The following ELP2 variants were observed in gnomAD, a reference collection of about 807,000 sequenced individuals.
ELP2 encodes the protein elongator acetyltransferase complex subunit 2, also known as elongator complex protein 2.
ELP2 carries 90 observed loss-of-function variants against 119.2 expected under a neutral mutation model. That is an observed-to-expected ratio of 0.75 (90% CI 0.64 to 0.90). The LOEUF (loss-of-function observed/expected upper bound fraction) is 0.90, where lower values mean the gene tolerates loss of function less well. Ranked by LOEUF, ELP2 falls within the 40% of genes least tolerant of loss-of-function variation. The probability of loss-of-function intolerance (pLI) is 0.00; values close to 1 mark genes in which losing one functional copy is unlikely to be tolerated. For synonymous variants in ELP2, 339 were observed against 331.0 expected (o/e 1.02, Z -0.26); for missense variants, 921 against 967.8 (o/e 0.95, Z 0.64).
chr18:36,158,115 T>G (rs1220269396), intron 13 of ELP2, among the ~76,000 whole-genome samples: 1 of 152,214 alleles, frequency 6.6e-6, no homozygotes, highest in African/African-American at 2.4e-5. Context: ...AGCATACTGT[T>G]TCTTGTGTCC....
Position 36,170,144 on chromosome 18 carries a change from G to A in ELP2, c.2158G>A (p.Gly720Ser), listed in dbSNP as rs551266460. ...IGPCSSVLDV[G>S]GAVTAVSVCP... ...CCCCTGCTCCTCAGTCCTGGACGTG[G>A]GTGGGGCTGTGACAGCTGTCAGCGT... The change falls in exon 20 of 22, where the codon GGT becomes AGT. Residue 720 changes from glycine to serine, a missense_variant. By Grantham distance (56) the Gly-to-Ser change is moderately conservative (BLOSUM62 0). Transcript: ENST00000358232. The A allele has an allele frequency of 6.2e-7, 1 of 1,614,050 alleles. No homozygotes were observed. Among genetic ancestry groups the A allele is most frequent in the Admixed American group, 1.7e-5 (1 of 60,010 alleles).
chr18:36,171,212 C>A (rs1287485956), intron 21 of ELP2, 52 bp downstream of exon 21: 9 of 1,288,856 alleles, frequency 7.0e-6, no homozygotes, highest in Non-Finnish European at 1.0e-5. Flanking sequence ...ATTGTGGGGT[C>A]TTTCATGGCA....
At position 36,166,319 on chromosome 18, in the gene ELP2, G is replaced by GTTTTT. The variant is rs60477950; in HGVS notation, c.1955-758_1955-754dup. Among the ~76,000 whole-genome samples the GTTTTT allele has an allele frequency of 7.0e-4, 50 of 71,626 alleles. 6 individuals are homozygous for GTTTTT. Among genetic ancestry groups the GTTTTT allele is most frequent in the Non-Finnish European group, 9.9e-4 (39 of 39,286 alleles). The allele number at this position is 71,626 out of a possible 152,430, so 47.0% of individuals were successfully genotyped here. ...AGTTATGTGGTTTTTGTTTTTTAGG[G>GTTTTT]TTTTTTTTTTTTTTTTTTTTTTTTT... On this transcript the variant is annotated intron_variant, in intron 18 of 21. Coordinates refer to ENST00000358232, the MANE Select transcript of ELP2 (RefSeq NM_018255.4).
intron 9 of ELP2, 180 bp downstream of exon 9, chr18:36,145,214 A>G: frequency 1.7e-6 from 1 of 602,974 alleles, no homozygotes; most frequent in African/African-American, 1.8e-5. Context: ...TCCATTGAAC[A>G]TTGAACTCCT....
In ELP2 at chr18:36,154,204, G is replaced by A. The variant is rs1173883804; in HGVS notation, c.1126-646G>A. Among the ~76,000 whole-genome samples the A allele has an allele frequency of 2.0e-5, 3 of 151,972 alleles. No homozygotes were observed. In the East Asian group the frequency reaches 5.8e-4, roughly 29 times the overall value. On this transcript the variant is annotated intron_variant, in intron 11 of 21. Transcript: ENST00000358232. Reference sequence around the variant, plus strand: ...AGGTTAAGTTTTAGTCCCACTTGAGGTTGTTCAAAAAGGTGCTCTGTGGAC... The same window carrying A: ...AGGTTAAGTTTTAGTCCCACTTGAGATTGTTCAAAAAGGTGCTCTGTGGAC...
At chr18:36,136,176 TGG>T (rs2089816659) in intron 2 of ELP2, 129 bp from the exon 3 acceptor site, 5 of 691,200 alleles carry the variant, frequency 7.2e-6, no homozygotes, top group African/African-American at 5.4e-5. Context: ...TAAGCAAATA[TGG>T]CAAAATGTTA....
At chr18:36,171,190 G>C in intron 21 of ELP2, 30 bp downstream of exon 21, 1 of 1,539,330 alleles carries the variant, frequency 6.5e-7, no homozygotes, top group South Asian at 1.1e-5. Context: ...GTTTCCATCA[G>C]ATTAACTAGA....
At position 36,174,391 on chromosome 18, in the gene ELP2, A is replaced by C; in HGVS notation, c.2325-94A>C. 14 of 1,245,882 alleles carry C rather than the reference A, an allele frequency of 1.1e-5. No homozygotes were observed. In the South Asian group the frequency reaches 1.7e-4, roughly 15 times the overall value. The allele number at this position is 1,245,882 out of a possible 1,614,324, so 77.2% of individuals were successfully genotyped here. A position where few individuals can be genotyped will look rare whatever the true frequency, so the allele number is the denominator to read the frequency against. ...TAAAATGTTAATGATGCGATTTTAA[A>C]ACCTGTACATTTCAATTTTCAGGTT... is the stretch of plus-strand genomic sequence containing the variant. On this transcript the variant is annotated intron_variant, in intron 21 of 21. Coordinates refer to ENST00000358232, the MANE Select transcript of ELP2 (RefSeq NM_018255.4).
intron 20 of ELP2, chr18:36,170,768 G>A (rs1184122723): frequency 4.1e-6 from 2 of 492,594 alleles, no homozygotes; most frequent in African/African-American, 1.9e-5. Flanking sequence ...TCTGTAACAA[G>A]CATCTTCAGT....
chr18:36,139,399 C>G (rs1318556053), intron 5 of ELP2: 6 of 1,533,966 alleles, frequency 3.9e-6, no homozygotes, highest in Non-Finnish European at 5.2e-6. Flanking sequence ...GTGAGTGAGT[C>G]AGCCTCTTTG....
At chr18:36,158,957 G>A (rs955347397) in intron 14 of ELP2, 53 bp downstream of exon 14, 2 of 1,226,786 alleles carry the variant, frequency 1.6e-6, no homozygotes, top group African/African-American at 3.0e-5. Flanking sequence ...TTAAACCCCA[G>A]TCATACACTT....
At chr18:36,167,694 A>AT (rs34728779) in intron 19 of ELP2, among the ~76,000 whole-genome samples, 120,830 of 146,070 alleles carry the variant, frequency 0.83, 51,497 homozygotes, top group South Asian at 0.95. Context: ...GTAGCTAGGA[A>AT]TTTTTTTTTT....
intron 2 of ELP2, among the ~76,000 whole-genome samples, chr18:36,134,989 T>C (rs2089776486): frequency 6.6e-6 from 1 of 152,238 alleles, no homozygotes; most frequent in Non-Finnish European, 1.5e-5. Flanking sequence ...AATAAGCTAC[T>C]TATTTGCTTC....
rs2091238337 is a variant in ELP2, at chr18:36,177,004, A to G, written c.*2363A>G. 2.0e-5 allele frequency: 3 copies of G among 152,198 alleles called. No homozygotes were observed. The South Asian group carries it at 6.2e-4, about 31-fold the overall frequency. 9.4% of individuals were successfully genotyped at this position (152,198 alleles called of 1,614,324 possible). On this transcript the variant is annotated 3_prime_UTR_variant, in exon 22 of 22. Coordinates refer to ENST00000358232, the MANE Select transcript of ELP2 (RefSeq NM_018255.4). Reference sequence around the variant, plus strand: ...TGTGTGTATGTGTGCGTTTGAGGCTATATTACTCATTGCTACGGCAGTTCA... The same window carrying G: ...TGTGTGTATGTGTGCGTTTGAGGCTGTATTACTCATTGCTACGGCAGTTCA...
chr18:36,148,145 G>A (rs2090273834), intron 11 of ELP2, among the ~76,000 whole-genome samples: 1 of 150,214 alleles, frequency 6.7e-6, no homozygotes, highest in African/African-American at 2.5e-5. Flanking sequence ...CCAGGCTGGA[G>A]TGCAGTGGCG....
Position 36,179,612 on chromosome 18 carries a change from A to G in ELP2, c.*4971A>G, listed in dbSNP as rs146941869. The G allele has an allele frequency of 9.5e-4, 145 of 152,258 alleles. No individual in the cohort carries two copies. The highest frequency in any genetic ancestry group is 3.3e-3 in the African/African-American group (139 of 41,512). 9.4% of individuals were successfully genotyped at this position (152,258 alleles called of 1,614,324 possible). On this transcript the variant is annotated 3_prime_UTR_variant, in exon 22 of 22. Transcript: ENST00000358232. ...ACAGCTCCACAAAGGCTGCTCTTGC[A>G]GGGGCTCTCCTGCAGCAAGGTGCCT...
In ELP2 at chr18:36,159,990, A is replaced by G. The variant is rs772450541; in HGVS notation, c.1663A>G (p.Thr555Ala). Residue 555 changes from threonine to alanine, a missense_variant, in exon 16 of 22, where the codon ACT becomes GCT. By Grantham distance (58) the Thr-to-Ala change is moderately conservative (BLOSUM62 0). Transcript: ENST00000358232. ...CACTGAGGATCATCTTCTGCAGAAT[A>G]CTTTGTGGCCTGAAGTTCAAAAACT... ...PPTEDHLLQN[T>A]LWPEVQKLYG... 1.2e-6 allele frequency: 2 copies of G among 1,614,088 alleles called. No individual in the cohort carries two copies. Among genetic ancestry groups the G allele is most frequent in the East Asian group, 4.5e-5 (2 of 44,862 alleles).
chr18:36,156,594 G>A lies in ELP2; in HGVS notation c.1404G>A (p.Arg468=). 1.2e-6 allele frequency: 2 copies of A among 1,614,086 alleles called. No individual in the cohort carries two copies. The highest frequency in any genetic ancestry group is 2.2e-5 in the East Asian group (1 of 44,854). ...EKVLRVFSAP[R]NFVENFCAIT... is the part of the protein sequence containing the mutation. ...TTCTTCGGGTTTTTTCTGCACCTCG[G>A]AATTTTGTGGAAAATTTTTGTGCCA... Residue 468 remains arginine (R), a synonymous_variant, in exon 13 of 22, where the codon CGG becomes CGA. Coordinates refer to ENST00000358232, the MANE Select transcript of ELP2 (RefSeq NM_018255.4).
rs1230116305 is a variant in ELP2, at chr18:36,178,482, G to C, written c.*3841G>C. On this transcript the variant is annotated 3_prime_UTR_variant, in exon 22 of 22. Coordinates refer to ENST00000358232, the MANE Select transcript of ELP2 (RefSeq NM_018255.4). ...GAATCCAGTGCAATGTATGAACCTT[G>C]TTTGCCTCTTGATCTGAACTAGCCA... The C allele has an allele frequency of 6.6e-6, 1 of 152,166 alleles. No individual in the cohort carries two copies. Among genetic ancestry groups the C allele is most frequent in the Non-Finnish European group, 1.5e-5 (1 of 68,028 alleles). 9.4% of individuals were successfully genotyped at this position (152,166 alleles called of 1,614,324 possible). A position where few individuals can be genotyped will look rare whatever the true frequency, so the allele number is the denominator to read the frequency against.
Sources: gnomAD v4.1 joint callset for allele counts (sites outside exome capture counted in the v4.1 genomes callset) on GRCh38, gnomAD v4.1.1 for gene constraint, MANE v1.5 for transcripts, NCBI Gene and HGNC (gene_info 2026-07-23, HGNC 2026-07-21) for gene names.